Variants in CNTN6 observed in about 807,000 individuals in gnomAD.
CNTN6 encodes the protein contactin 6.
A neutral mutation model predicts 122.8 loss-of-function variants in CNTN6; 137 were observed. The ratio of observed to expected loss-of-function variants is 1.12; its 90% CI spans 0.97 to 1.29. The LOEUF is 1.29. Ranked by LOEUF, CNTN6 falls within the 50% of genes most tolerant of loss-of-function variation. CNTN6 has a pLI of 0.00. For missense variants in CNTN6, 1,634 were observed against 1,223.4 expected, an observed-to-expected ratio of 1.34 and a Z score of -5.01; for synonymous variants, 570 against 426.0, an observed-to-expected ratio of 1.34 and a Z score of -4.16.
chr3:1,150,488 A>G (rs1422471667), intron 2 of CNTN6, among the ~76,000 whole-genome samples: 1 of 152,168 alleles, frequency 6.6e-6, no homozygotes, highest in African/African-American at 2.4e-5. Context: ...CTTTTACTAT[A>G]GTCATGGCCT....
At chr3:1,362,238 C>T (rs1056653907) in intron 12 of CNTN6, among the ~76,000 whole-genome samples, 1 of 151,904 alleles carries the variant, frequency 6.6e-6, no homozygotes, top group Non-Finnish European at 1.5e-5. Context: ...ACTATAAAAT[C>T]ACTTACATTT....
intron 5 of CNTN6, among the ~76,000 whole-genome samples, chr3:1,291,524 A>C (rs1695325106): frequency 6.6e-6 from 1 of 152,232 alleles, no homozygotes; most frequent in African/African-American, 2.4e-5. Context: ...ATTTCTCTCC[A>C]CAAATAGGCA....
intron 4 of CNTN6, among the ~76,000 whole-genome samples, chr3:1,271,720 G>A (rs1356595040): frequency 6.6e-6 from 1 of 152,180 alleles, no homozygotes; most frequent in African/African-American, 2.4e-5. Flanking sequence ...TTGGGGGAGA[G>A]AAAGCACCTT....
chr3:1,305,215 A>G lies in CNTN6; in HGVS notation c.761+7224A>G, dbSNP rs573934042. ...TCACGGATACCATCATGCAGACAGA[A>G]TGTATAAAAAGTGAGGTCTAGAGAA... On this transcript the variant is annotated intron_variant, in intron 7 of 22. Coordinates refer to ENST00000446702, the MANE Select transcript of CNTN6 (RefSeq NM_001289080.2). 1.2e-4 allele frequency among the ~76,000 whole-genome samples: 18 copies of G among 152,302 alleles called. No individual in the cohort carries two copies. In the South Asian group the frequency reaches 1.2e-3, roughly 11 times the overall value.
At chr3:1,260,153 C>G (rs918436809) in intron 4 of CNTN6, among the ~76,000 whole-genome samples, 2 of 152,116 alleles carry the variant, frequency 1.3e-5, no homozygotes, top group Non-Finnish European at 2.9e-5. Flanking sequence ...GAAAGACAAC[C>G]TCTTGAATAC....
At chr3:1,112,568 T>C (rs1328135088) in intron 1 of CNTN6, among the ~76,000 whole-genome samples, 1 of 152,124 alleles carries the variant, frequency 6.6e-6, no homozygotes, top group Non-Finnish European at 1.5e-5. Context: ...CTTTTCTGTT[T>C]TTGTTCCATC....
At chr3:1,227,126 C>T (rs2094294760) in intron 3 of CNTN6, among the ~76,000 whole-genome samples, 2 of 152,132 alleles carry the variant, frequency 1.3e-5, no homozygotes, top group African/African-American at 4.8e-5. Context: ...AACTCTAAGA[C>T]TCTTCAGCTA....
intron 12 of CNTN6, among the ~76,000 whole-genome samples, chr3:1,369,944 CAATTA>C (rs952216619): frequency 3.4e-4 from 52 of 151,570 alleles, no homozygotes; most frequent in African/African-American, 1.2e-3. Flanking sequence ...TTATTTCAGT[CAATTA>C]AATTACAAAA....
At chr3:1,183,979 A>G (rs1424400654) in intron 2 of CNTN6, among the ~76,000 whole-genome samples, 1 of 152,194 alleles carries the variant, frequency 6.6e-6, no homozygotes, top group Non-Finnish European at 1.5e-5. Context: ...CTAGCTGGCT[A>G]GCGGCTGAAG....
chr3:1,327,193 C>T (rs926463593), intron 9 of CNTN6, among the ~76,000 whole-genome samples: 1 of 151,816 alleles, frequency 6.6e-6, no homozygotes, highest in African/African-American at 2.4e-5. Context: ...TACCAAATAA[C>T]AGAAAGTTAA....
intron 2 of CNTN6, among the ~76,000 whole-genome samples, chr3:1,195,739 T>C (rs1389991388): frequency 6.6e-6 from 1 of 152,180 alleles, no homozygotes; most frequent in African/African-American, 2.4e-5. Context: ...AGTCAACTCT[T>C]GTGGCTATTT....
At chr3:1,373,497 T>C in intron 14 of CNTN6, 107 bp from the exon 15 acceptor site, 2 of 1,000,654 alleles carry the variant, frequency 2.0e-6, no homozygotes, top group Non-Finnish European at 2.9e-6. Context: ...TACATTATGG[T>C]CAATATTTTA....
intron 4 of CNTN6, among the ~76,000 whole-genome samples, chr3:1,274,186 C>G (rs1239613038): frequency 4.6e-5 from 7 of 152,086 alleles, no homozygotes; most frequent in African/African-American, 1.7e-4. Flanking sequence ...TAAAATAAAG[C>G]TTATTAGGCT....
chr3:1,169,144 G>A (rs2093315086), intron 2 of CNTN6, among the ~76,000 whole-genome samples: 1 of 152,162 alleles, frequency 6.6e-6, no homozygotes, highest in Admixed American at 6.5e-5. Context: ...CCCTAGTCAT[G>A]CTTTAGGATT....
At chr3:1,212,423 G>C (rs911159035) in intron 2 of CNTN6, among the ~76,000 whole-genome samples, 1 of 150,704 alleles carries the variant, frequency 6.6e-6, no homozygotes, top group Non-Finnish European at 1.5e-5. Flanking sequence ...ACAATGTATA[G>C]TAGTATGTAT....
chr3:1,147,965 C>T lies in CNTN6; in HGVS notation c.-44C>T, dbSNP rs1459497576. 2.7e-6 allele frequency: 4 copies of T among 1,462,584 alleles called. No homozygotes were observed. Among genetic ancestry groups the T allele is most frequent in the African/African-American group, 2.8e-5 (2 of 71,972 alleles). 90.6% of individuals were successfully genotyped at this position (1,462,584 alleles called of 1,614,324 possible). A position where few individuals can be genotyped will look rare whatever the true frequency, so the allele number is the denominator to read the frequency against. ...TGACTGGAAGATAGACTGTTTTGTT[C>T]CACCTGATTGTATGGGAGAAATTTT... On this transcript the variant is annotated 5_prime_UTR_variant, in exon 2 of 23. Coordinates refer to ENST00000446702, the MANE Select transcript of CNTN6 (RefSeq NM_001289080.2).
chr3:1,389,354 G>C (rs1255736751), intron 20 of CNTN6, among the ~76,000 whole-genome samples: 2 of 151,938 alleles, frequency 1.3e-5, no homozygotes, highest in African/African-American at 4.8e-5. Context: ...TTACAGACAA[G>C]CAAATGCTGA....
intron 12 of CNTN6, among the ~76,000 whole-genome samples, chr3:1,371,590 TACA>T (rs1709023049): frequency 6.6e-6 from 1 of 152,114 alleles, no homozygotes; most frequent in East Asian, 1.9e-4. Flanking sequence ...GACTCTCAAG[TACA>T]ACTGGCACAC....
intron 12 of CNTN6, among the ~76,000 whole-genome samples, chr3:1,360,771 T>C (rs1411884199): frequency 6.6e-6 from 1 of 152,028 alleles, no homozygotes; most frequent in African/African-American, 2.4e-5. Context: ...AACAGCCTAT[T>C]TTATCATCTT....
Sources: allele counts gnomAD v4.1 joint callset (sites outside exome capture counted in the v4.1 genomes callset), GRCh38; gene constraint gnomAD v4.1.1; transcripts MANE v1.5; gene names NCBI Gene and HGNC (gene_info 2026-07-23, HGNC 2026-07-21).